RADIL: variants seen among roughly 807,000 people sequenced by gnomAD.
The protein encoded by RADIL is Rap associating with DIL domain, also known as ras-associating and dilute domain-containing protein.
RADIL carries 99 observed loss-of-function variants against 97.6 expected under a neutral mutation model. The observed-to-expected ratio is 1.01, with a 90% CI of 0.86 to 1.20. RADIL has a LOEUF of 1.20. RADIL is among the 50% of genes most tolerant of loss of function. The pLI is 0.00. For missense variants in RADIL, 1,765 were observed against 1,498.9 expected, an observed-to-expected ratio of 1.18 and a Z score of -2.93; for synonymous variants, 803 against 691.8, an observed-to-expected ratio of 1.16 and a Z score of -2.52.
chr7:4,859,380 G>C (rs555130992), intron 2 of RADIL: 1 of 154,626 alleles, frequency 6.5e-6, no homozygotes, highest in African/African-American at 2.4e-5. Flanking sequence ...CAGTCCAGAT[G>C]TCAGTCACGG....
chr7:4,831,116 G>T (rs1783127386), intron 5 of RADIL, among the ~76,000 whole-genome samples: 1 of 151,260 alleles, frequency 6.6e-6, no homozygotes, highest in African/African-American at 2.4e-5. Context: ...GCTCGAACCT[G>T]AGAGGTGGAG....
At position 4,877,848 on chromosome 7, in the gene RADIL, C is replaced by G; in HGVS notation, c.292G>C (p.Glu98Gln). Residue 98 changes from glutamate to glutamine, a missense_variant, in exon 2 of 15, where the codon GAG (glutamate) becomes CAG (glutamine). Physicochemically the swap from Glu to Gln is conservative, Grantham distance 29. Coordinates refer to ENST00000399583, the MANE Select transcript of RADIL (RefSeq NM_018059.5). ...TGCCTGGGGTCCAGGGCGTACCGCT[C>G]CAGCGCCTCCTTCACCAGCTCACGG... ...SARELVKEAL[E>Q]RYALDPRQAG... 1 of 1,606,468 alleles carries G rather than the reference C, an allele frequency of 6.2e-7. No individual in the cohort carries two copies. The highest frequency in any genetic ancestry group is 8.5e-7 in the Non-Finnish European group (1 of 1,179,934).
intron 9 of RADIL, 52 bp from the exon 10 acceptor site, chr7:4,805,768 G>T: frequency 6.4e-7 from 1 of 1,563,562 alleles, no homozygotes. Flanking sequence ...GCAGACCCCA[G>T]CCCAAAGAGG....
At chr7:4,846,145 T>TA (rs1783564863) in intron 2 of RADIL, among the ~76,000 whole-genome samples, 2 of 134,998 alleles carry the variant, frequency 1.5e-5, no homozygotes, top group Middle Eastern at 3.8e-3. Context: ...TTTTTTTTTT[T>TA]AAAGAGACGG....
chr7:4,797,171 C>G lies in RADIL; in HGVS notation c.*2207G>C, dbSNP rs1267083156. ...GCCTGGAAGCTCAGCAAGACCAGAACAGCCAGTGGCAGCCCTCACCAGTCC... is the reference window on the plus strand; with the variant it reads ...GCCTGGAAGCTCAGCAAGACCAGAAGAGCCAGTGGCAGCCCTCACCAGTCC... On this transcript the variant is annotated 3_prime_UTR_variant, in exon 15 of 15. Transcript: ENST00000399583. The G allele has an allele frequency of 6.6e-6, 1 of 152,254 alleles. No individual in the cohort carries two copies. The highest frequency in any genetic ancestry group is 2.4e-5 in the African/African-American group (1 of 41,458). The allele number at this position is 152,254 out of a possible 1,614,324, so 9.4% of individuals were successfully genotyped here.
chr7:4,800,442 T>C (rs1003735292), intron 12 of RADIL, 132 bp from the exon 13 acceptor site: 11 of 1,012,602 alleles, frequency 1.1e-5, no homozygotes, highest in Non-Finnish European at 1.3e-5. Context: ...CAGGAGACGC[T>C]GTTCAGGCAG....
chr7:4,860,363 T>A lies in RADIL; in HGVS notation c.535+17242A>T, dbSNP rs369255595. The stretch of plus-strand genomic sequence containing the variant: ...TCTTCTTAAATGCATTGCAGTAATT[T>A]TCATACCCATCTCAAACATCTTACT... On this transcript the variant is annotated intron_variant, in intron 2 of 14. Transcript: ENST00000399583. 3.1e-6 allele frequency: 5 copies of A among 1,613,900 alleles called. No individual in the cohort carries two copies. The highest frequency in any genetic ancestry group is 2.7e-5 in the African/African-American group (2 of 74,934).
chr7:4,803,739 G>T lies in RADIL; in HGVS notation c.2306C>A (p.Ser769Tyr). 1 of 1,564,240 alleles carries T rather than the reference G, an allele frequency of 6.4e-7. No individual in the cohort carries two copies. The highest frequency in any genetic ancestry group is 1.4e-5 in the African/African-American group (1 of 73,726). The change falls in exon 11 of 15, where the codon TCC (serine) becomes TAC (tyrosine). Residue 769 changes from serine to tyrosine, a missense_variant. By Grantham distance (144) the Ser-to-Tyr change is moderately radical. Coordinates refer to ENST00000399583, the MANE Select transcript of RADIL (RefSeq NM_018059.5). ...GACGATGGGTGGGGGGTTTTCGTAG[G>T]ACTCCAGAACATCCTCTGCAGGGGA... Reference protein sequence around the residue: ...EAFRSEDVLESYENPPPIVLP... With the variant: ...EAFRSEDVLEYYENPPPIVLP...
At position 4,832,193 on chromosome 7, in the gene RADIL, C is replaced by T. The variant is rs138344344; in HGVS notation, c.1417-15G>A. ...TTGGTTTTCTCCTACAATTACAAAG[C>T]GGGAGAAAAAGCAAGTGAGCAAAAC... On this transcript the variant is annotated splice_polypyrimidine_tract_variant and intron_variant, in intron 4 of 14. Coordinates refer to ENST00000399583, the MANE Select transcript of RADIL (RefSeq NM_018059.5). 40 of 1,609,552 alleles carry T rather than the reference C, an allele frequency of 2.5e-5. No homozygotes were observed. Among genetic ancestry groups the T allele is most frequent in the Middle Eastern group, 3.3e-4 (2 of 6,052 alleles).
chr7:4,799,606 CG>C (rs763604871), intron 14 of RADIL, 23 bp downstream of exon 14: 55 of 1,605,298 alleles, frequency 3.4e-5, no homozygotes, highest in Non-Finnish European at 4.7e-5. Context: ...GAGAAGGGGC[CG>C]GGCGTGCATG....
At chr7:4,829,876 A>T (rs1489674605) in intron 5 of RADIL, among the ~76,000 whole-genome samples, 1 of 152,092 alleles carries the variant, frequency 6.6e-6, no homozygotes, top group African/African-American at 2.4e-5. Flanking sequence ...TGTTTCCTTT[A>T]TAAATTACCC....
At chr7:4,851,718 G>C (rs1399155498) in intron 2 of RADIL, among the ~76,000 whole-genome samples, 1 of 152,182 alleles carries the variant, frequency 6.6e-6, no homozygotes, top group Non-Finnish European at 1.5e-5. Context: ...ATGGTTAAGA[G>C]GCAACAGGAG....
Position 4,819,295 on chromosome 7 carries a change from C to G in RADIL, c.1616-1944G>C, listed in dbSNP as rs1043217903. ...CCATGTTGGCCAGGCTGGTCTCAAA[C>G]TCCTGACCTCATGTGATCTGCCTGC... On this transcript the variant is annotated intron_variant, in intron 6 of 14. Transcript: ENST00000399583. This position sits in a 1 kb window ranked among gnomAD's most constrained non-coding sequence, Gnocchi z 5.8. Among the ~76,000 whole-genome samples, 1 of 152,120 alleles carries G rather than the reference C, an allele frequency of 6.6e-6. No homozygotes were observed. Among genetic ancestry groups the G allele is most frequent in the East Asian group, 1.9e-4 (1 of 5,154 alleles).
intron 2 of RADIL, chr7:4,858,099 C>G (rs11972309): frequency 0.19 from 28,902 of 152,224 alleles, 4,311 homozygotes; most frequent in African/African-American, 0.42. Context: ...TGTGGTGAAA[C>G]GGCAAAGATG....
In RADIL at chr7:4,840,870, G is replaced by C. The variant is rs1783421405; in HGVS notation, c.536-4265C>G. 6.6e-6 allele frequency among the ~76,000 whole-genome samples: 1 copy of C among 152,174 alleles called. No individual in the cohort carries two copies. The highest frequency in any genetic ancestry group is 1.5e-5 in the Non-Finnish European group (1 of 68,034). On this transcript the variant is annotated intron_variant, in intron 2 of 14. Coordinates refer to ENST00000399583, the MANE Select transcript of RADIL (RefSeq NM_018059.5). The surrounding 1 kb of genome is among the most constrained non-coding windows in gnomAD (Gnocchi z 5.6). ...TAGTCCCGGCTACTCGAGAGGCTGA[G>C]GCAGGAGAATGGCTTGAACCCAGGA...
At chr7:4,875,548 G>A (rs1784357293) in intron 2 of RADIL, among the ~76,000 whole-genome samples, 1 of 152,174 alleles carries the variant, frequency 6.6e-6, no homozygotes, top group Non-Finnish European at 1.5e-5. Context: ...ACAACGCAAT[G>A]GCCTGAGGAC....
In RADIL at chr7:4,834,670, G is replaced by T. The variant is rs1783244093; in HGVS notation, c.1353C>A (p.Phe451Leu). Residue 451 changes from phenylalanine to leucine, a missense_variant, in exon 4 of 15, where the codon TTC becomes TTA. Phe to Leu is a conservative substitution (Grantham distance 22). Transcript: ENST00000399583. The surrounding 1 kb of genome is among the most constrained non-coding windows in gnomAD (Gnocchi z 6.0). Reference protein sequence around the residue: ...CLCIQHSATHFQPGTFGQLLL... With the variant: ...CLCIQHSATHLQPGTFGQLLL... ...GGAGCTGCCCGAATGTGCCCGGCTG[G>T]AAGTGGGTGGCCGAGTGCTGGATGC... 2.9e-6 allele frequency: 4 copies of T among 1,371,674 alleles called. No homozygotes were observed. Among genetic ancestry groups the T allele is most frequent in the Non-Finnish European group, 3.8e-6 (4 of 1,056,274 alleles). 85.0% of individuals were successfully genotyped at this position (1,371,674 alleles called of 1,614,324 possible).
In RADIL at chr7:4,842,630, C is replaced by T. The variant is rs981382663; in HGVS notation, c.536-6025G>A. 6.6e-6 allele frequency among the ~76,000 whole-genome samples: 1 copy of T among 152,146 alleles called. No individual in the cohort carries two copies. The highest frequency in any genetic ancestry group is 1.5e-5 in the Non-Finnish European group (1 of 68,034). On this transcript the variant is annotated intron_variant, in intron 2 of 14. Coordinates refer to ENST00000399583, the MANE Select transcript of RADIL (RefSeq NM_018059.5). The surrounding 1 kb of genome is among the most constrained non-coding windows in gnomAD (Gnocchi z 4.5). ...GGCTCTTCCTGAACGTTGCTCAATTCCTCTATAAACTCAGCCGGCAGCTTT... is the reference window on the plus strand; with the variant it reads ...GGCTCTTCCTGAACGTTGCTCAATTTCTCTATAAACTCAGCCGGCAGCTTT...
rs61202853 is a variant in RADIL at position 4,867,632 on chromosome 7, G to GTAAATAAATAAATAAA, written c.535+9957_535+9972dup. Among the ~76,000 whole-genome samples the GTAAATAAATAAATAAA allele has an allele frequency of 4.0e-5, 6 of 151,448 alleles. No individual in the cohort carries two copies. The highest frequency in any genetic ancestry group is 1.5e-4 in the African/African-American group (6 of 41,064). On this transcript the variant is annotated intron_variant, in intron 2 of 14. Coordinates refer to ENST00000399583, the MANE Select transcript of RADIL (RefSeq NM_018059.5). The surrounding 1 kb of genome is among the most constrained non-coding windows in gnomAD (Gnocchi z 4.1). ...CTGTCTCTATTTTTAAAATAAATAA[G>GTAAATAAATAAATAAA]TAAATAAATAAATAAATAAATAATG...
Sources: allele counts gnomAD v4.1 joint callset (sites outside exome capture counted in the v4.1 genomes callset), GRCh38; gene constraint gnomAD v4.1.1; non-coding constraint Gnocchi (gnomAD v3.1); transcripts MANE v1.5; gene names NCBI Gene and HGNC (gene_info 2026-07-23, HGNC 2026-07-21).